ROBO1: variants seen among roughly 807,000 people sequenced by gnomAD.
ROBO1 encodes the protein roundabout guidance receptor 1, also known as roundabout homolog 1.
ROBO1 carries 149 observed loss-of-function variants against 195.9 expected under a neutral mutation model. The ratio of observed to expected loss-of-function variants is 0.76; its 90% CI spans 0.67 to 0.87. The LOEUF (loss-of-function observed/expected upper bound fraction) is 0.87, where lower values mean the gene tolerates loss of function less well. ROBO1 is among the 40% of genes least tolerant of loss of function. The pLI is 0.00. For synonymous variants in ROBO1, 816 were observed against 733.2 expected (o/e 1.11, Z -1.82); for missense variants, 1,933 against 2,068.3 (o/e 0.93, Z 1.27).
intron 2 of ROBO1, among the ~76,000 whole-genome samples, chr3:79,309,230 TA>T (rs1418042285): frequency 6.6e-6 from 1 of 152,198 alleles, no homozygotes; most frequent in East Asian, 1.9e-4. Context: ...ATAATAAACT[TA>T]AAATCTGAGT....
At chr3:79,497,764 A>G (rs1559942224) in intron 2 of ROBO1, among the ~76,000 whole-genome samples, 1 of 152,192 alleles carries the variant, frequency 6.6e-6, no homozygotes, top group Non-Finnish European at 1.5e-5. Context: ...TACTATTACA[A>G]TTTTAAAAAC....
intron 3 of ROBO1, among the ~76,000 whole-genome samples, chr3:78,945,821 T>G (rs1216911453): frequency 6.6e-6 from 1 of 151,986 alleles, no homozygotes; most frequent in African/African-American, 2.4e-5. Context: ...GAGAAGTCCT[T>G]AAAGGACCTG....
intron 2 of ROBO1, among the ~76,000 whole-genome samples, chr3:79,550,201 G>GAA (rs1487696302): frequency 4.3e-5 from 1 of 23,168 alleles, no homozygotes; most frequent in South Asian, 2.4e-3. Flanking sequence ...GAAAGGAAAA[G>GAA]AAAAGAAAAG....
intron 4 of ROBO1, among the ~76,000 whole-genome samples, chr3:78,835,661 T>C (rs370674908): frequency 1.3e-5 from 2 of 152,220 alleles, no homozygotes; most frequent in African/African-American, 4.8e-5. Context: ...GATCAATCTA[T>C]GAATTATAAA....
chr3:79,409,263 G>A (rs991782041), intron 2 of ROBO1, among the ~76,000 whole-genome samples: 9 of 151,642 alleles, frequency 5.9e-5, no homozygotes, highest in African/African-American at 1.9e-4. Flanking sequence ...AATAGAATAT[G>A]ACAAAAAAAA....
At chr3:79,368,636 A>T (rs897689955) in intron 2 of ROBO1, among the ~76,000 whole-genome samples, 1 of 152,044 alleles carries the variant, frequency 6.6e-6, no homozygotes, top group Non-Finnish European at 1.5e-5. Flanking sequence ...GTTGCTACAA[A>T]CATCCACTTC....
At chr3:79,473,580 T>C (rs186474971) in intron 2 of ROBO1, among the ~76,000 whole-genome samples, 5 of 152,130 alleles carry the variant, frequency 3.3e-5, no homozygotes, top group African/African-American at 1.2e-4. Flanking sequence ...AATGAATCAT[T>C]TTTAATACCT....
intron 1 of ROBO1, among the ~76,000 whole-genome samples, chr3:79,598,573 C>T (rs1230689640): frequency 6.6e-6 from 1 of 151,884 alleles, no homozygotes; most frequent in Non-Finnish European, 1.5e-5. Context: ...TCAATTTTTA[C>T]CACCTCCCCC....
intron 4 of ROBO1, among the ~76,000 whole-genome samples, chr3:78,814,103 A>C (rs2084826731): frequency 6.6e-6 from 1 of 151,946 alleles, no homozygotes; most frequent in Admixed American, 6.6e-5. Flanking sequence ...AGGTATACCT[A>C]CTCTACTACT....
intron 4 of ROBO1, among the ~76,000 whole-genome samples, chr3:78,779,697 C>A (rs532673438): frequency 3.3e-5 from 5 of 152,120 alleles, no homozygotes; most frequent in African/African-American, 1.2e-4. Flanking sequence ...AAGACTGTGG[C>A]GATTCCTCAA....
rs533575182 is a variant in ROBO1 at position 79,277,600 on chromosome 3, AT to A, written c.89-152062del. ...TTCAGTCAACAATAATTTATTGTAC[AT>A]TTAAAAATAATTAAGAGTATAATTG... On this transcript the variant is annotated intron_variant, in intron 2 of 30. Coordinates refer to ENST00000464233, the MANE Select transcript of ROBO1 (RefSeq NM_002941.4). Among the ~76,000 whole-genome samples the A allele has an allele frequency of 1.6e-4, 24 of 152,218 alleles. No individual in the cohort carries two copies. The East Asian group carries it at 4.6e-3, about 29-fold the overall frequency.
intron 1 of ROBO1, among the ~76,000 whole-genome samples, chr3:79,738,577 C>T (rs192560922): frequency 1.3e-5 from 2 of 152,132 alleles, no homozygotes; most frequent in East Asian, 3.9e-4. Context: ...TTTTCTTTAG[C>T]GTTAAAAACA....
chr3:78,937,455 A>G (rs1363541531), intron 4 of ROBO1, among the ~76,000 whole-genome samples: 6 of 152,066 alleles, frequency 3.9e-5, no homozygotes, highest in African/African-American at 1.4e-4. Context: ...AATTATATAT[A>G]AAGTGAATTT....
intron 2 of ROBO1, among the ~76,000 whole-genome samples, chr3:79,264,201 C>T (rs945147695): frequency 6.6e-6 from 1 of 152,018 alleles, no homozygotes; most frequent in Non-Finnish European, 1.5e-5. Context: ...TTCTGGCCAT[C>T]CTACATTAAT....
intron 3 of ROBO1, among the ~76,000 whole-genome samples, chr3:78,991,092 T>C (rs987769028): frequency 2.6e-5 from 4 of 152,086 alleles, no homozygotes; most frequent in Admixed American, 6.6e-5. Flanking sequence ...ATAAATTATA[T>C]TATGGATAGG....
rs553556337 is a variant in ROBO1, at chr3:79,093,664, G to A, written c.172+31792C>T. ...ATCCCTGGTTATGTTCTAGGCAGTT[G>A]TTTTTAAGACAGTATCACTTTAATA... On this transcript the variant is annotated intron_variant, in intron 3 of 30. Transcript: ENST00000464233. Among the ~76,000 whole-genome samples the A allele has an allele frequency of 8.0e-4, 122 of 152,028 alleles. No individual in the cohort carries two copies. The South Asian group carries it at 0.013, about 16-fold the overall frequency.
intron 28 of ROBO1, among the ~76,000 whole-genome samples, chr3:78,612,138 T>C (rs1157576252): frequency 6.6e-6 from 1 of 152,128 alleles, no homozygotes; most frequent in African/African-American, 2.4e-5. Flanking sequence ...AGGAATGTCA[T>C]AATCTGAACA....
intron 10 of ROBO1, among the ~76,000 whole-genome samples, chr3:78,670,883 A>G: frequency 6.6e-6 from 1 of 152,164 alleles, no homozygotes; most frequent in Non-Finnish European, 1.5e-5. Flanking sequence ...TTCTATTACA[A>G]TATACATGGG....
At chr3:78,943,425 C>A (rs1264515476) in intron 3 of ROBO1, among the ~76,000 whole-genome samples, 1 of 152,054 alleles carries the variant, frequency 6.6e-6, no homozygotes, top group African/African-American at 2.4e-5. Flanking sequence ...AACTCAGGAC[C>A]AAGTTTTTAC....
Sources: gnomAD v4.1 joint callset for allele counts (sites outside exome capture counted in the v4.1 genomes callset) on GRCh38, gnomAD v4.1.1 for gene constraint, MANE v1.5 for transcripts, NCBI Gene and HGNC (gene_info 2026-07-23, HGNC 2026-07-21) for gene names.